SUMF1: variants seen among roughly 807,000 people sequenced by gnomAD.
SUMF1 encodes the protein sulfatase modifying factor 1, also known as formylglycine-generating enzyme.
A neutral mutation model predicts 47.6 loss-of-function variants in SUMF1; 48 were observed. The ratio of observed to expected loss-of-function variants is 1.01; its 90% CI spans 0.80 to 1.28. The LOEUF is 1.28. Among genes scored for constraint, SUMF1 ranks in the 50% most tolerant of loss-of-function variants. The probability of loss-of-function intolerance (pLI) is 0.00; values close to 1 mark genes in which losing one functional copy is unlikely to be tolerated. For synonymous variants in SUMF1, 230 were observed against 192.1 expected (o/e 1.20, Z -1.63); for missense variants, 571 against 485.4 (o/e 1.18, Z -1.66).
intron 8 of SUMF1, among the ~76,000 whole-genome samples, chr3:4,287,549 C>G (rs1008874042): frequency 6.6e-6 from 1 of 152,102 alleles, no homozygotes; most frequent in African/African-American, 2.4e-5. Context: ...CTGGTATTTG[C>G]TTAGTATTAC....
At chr3:4,350,312 A>C (rs560714486) in intron 8 of SUMF1, among the ~76,000 whole-genome samples, 1 of 148,348 alleles carries the variant, frequency 6.7e-6, no homozygotes, top group Admixed American at 6.7e-5. Flanking sequence ...TTGAGCCACC[A>C]CTTTCTGTGT....
chr3:4,341,226 G>A (rs1429067515), intron 8 of SUMF1, among the ~76,000 whole-genome samples: 2 of 150,912 alleles, frequency 1.3e-5, no homozygotes, highest in African/African-American at 2.4e-5. Flanking sequence ...CCATTATGAT[G>A]ACAACATTAA....
At chr3:4,083,857 G>A (rs1383508466) in intron 8 of SUMF1, among the ~76,000 whole-genome samples, 1 of 150,268 alleles carries the variant, frequency 6.7e-6, no homozygotes, top group African/African-American at 2.5e-5. Flanking sequence ...AAAAAAAAGA[G>A]CTTAGAAATG....
intron 8 of SUMF1, among the ~76,000 whole-genome samples, chr3:4,127,322 C>G (rs899766556): frequency 6.6e-6 from 1 of 152,056 alleles, no homozygotes. Context: ...TCAACTTGAT[C>G]GGAATGAAGA....
At chr3:4,182,205 G>A (rs996893258) in intron 8 of SUMF1, among the ~76,000 whole-genome samples, 1 of 151,928 alleles carries the variant, frequency 6.6e-6, no homozygotes, top group Non-Finnish European at 1.5e-5. Flanking sequence ...GCATGGGGTA[G>A]ATGGAATATG....
chr3:4,267,692 T>C (rs1307050531), intron 8 of SUMF1, among the ~76,000 whole-genome samples: 1 of 151,266 alleles, frequency 6.6e-6, no homozygotes, highest in African/African-American at 2.4e-5. Flanking sequence ...TGAGATATCA[T>C]CTCACACCAG....
chr3:4,275,017 C>T (rs1420393948), intron 8 of SUMF1, among the ~76,000 whole-genome samples: 1 of 152,136 alleles, frequency 6.6e-6, no homozygotes, highest in Non-Finnish European at 1.5e-5. Context: ...CATTACCCAT[C>T]AGAAGTGTTC....
At chr3:4,284,835 A>C (rs573944967) in intron 8 of SUMF1, among the ~76,000 whole-genome samples, 134 of 152,326 alleles carry the variant, frequency 8.8e-4, no homozygotes, top group Middle Eastern at 3.4e-3. Context: ...GCTAAGATAA[A>C]GGGATTATTT....
intron 8 of SUMF1, among the ~76,000 whole-genome samples, chr3:4,143,809 G>A (rs1448768407): frequency 6.6e-6 from 1 of 152,056 alleles, no homozygotes; most frequent in Non-Finnish European, 1.5e-5. Flanking sequence ...TCACAGAGCA[G>A]TAACAGTTGC....
chr3:4,344,794 T>G (rs1699341439), intron 8 of SUMF1, among the ~76,000 whole-genome samples: 1 of 152,090 alleles, frequency 6.6e-6, no homozygotes, highest in Non-Finnish European at 1.5e-5. Context: ...GATAAGAGGT[T>G]AGAGGAATTG....
At chr3:4,101,211 A>C (rs1378123234) in intron 8 of SUMF1, among the ~76,000 whole-genome samples, 3 of 152,144 alleles carry the variant, frequency 2.0e-5, no homozygotes, top group Admixed American at 1.3e-4. Flanking sequence ...TTGAAGCATT[A>C]TTCGCAAGAG....
intron 7 of SUMF1, among the ~76,000 whole-genome samples, chr3:4,394,275 T>G (rs1357061516): frequency 6.6e-6 from 1 of 152,058 alleles, no homozygotes; most frequent in Non-Finnish European, 1.5e-5. Context: ...ACTCAAGCAA[T>G]CCTACCACCT....
chr3:4,160,841 T>C (rs537775363), intron 8 of SUMF1, among the ~76,000 whole-genome samples: 1 of 152,256 alleles, frequency 6.6e-6, no homozygotes, highest in Non-Finnish European at 1.5e-5. Context: ...ATTTAGTTTG[T>C]TTGGTGAGGT....
Position 4,130,973 on chromosome 3 carries a change from G to T in SUMF1, c.1015-62228C>A, listed in dbSNP as rs113347274. Among the ~76,000 whole-genome samples, 3 of 152,110 alleles carry T rather than the reference G, an allele frequency of 2.0e-5. 1 individual carries two copies. The highest frequency in any genetic ancestry group is 7.2e-5 in the African/African-American group (3 of 41,396). On this transcript the variant is annotated intron_variant and NMD_transcript_variant, in intron 8 of 12. Coordinates refer to the SUMF1 transcript ENST00000448413. ...GGGATGCTGTTTGGAGCCTTTGGCA[G>T]GCCCCCATAGGTGAATCACTGCAGA...
chr3:4,152,123 A>AGCACTACACTGGGGAAGGGAGCAGTT (rs1428420167), intron 8 of SUMF1, among the ~76,000 whole-genome samples: 1 of 151,592 alleles, frequency 6.6e-6, no homozygotes, highest in Non-Finnish European at 1.5e-5. Context: ...ATCATACAGA[A>AGCACTACACTGGGGAAGGGAGCAGTT]GCACTACACT....
intron 8 of SUMF1, among the ~76,000 whole-genome samples, chr3:4,300,668 T>C (rs141625612): frequency 6.6e-6 from 1 of 152,266 alleles, no homozygotes; most frequent in East Asian, 1.9e-4. Context: ...CTGTAAAGAC[T>C]TGGAGAAAAA....
intron 8 of SUMF1, among the ~76,000 whole-genome samples, chr3:4,137,898 T>G (rs532135608): frequency 3.6e-5 from 5 of 140,654 alleles, no homozygotes; most frequent in African/African-American, 1.3e-4. Flanking sequence ...ATCTTGCATA[T>G]AGTAAACACT....
At chr3:4,311,347 T>C (rs758481033) in intron 8 of SUMF1, among the ~76,000 whole-genome samples, 3 of 152,206 alleles carry the variant, frequency 2.0e-5, no homozygotes, top group Non-Finnish European at 2.9e-5. Context: ...CTGGAAGACG[T>C]GGTGCAAACA....
chr3:4,415,486 C>T (rs1198112983), intron 6 of SUMF1, among the ~76,000 whole-genome samples: 1 of 152,064 alleles, frequency 6.6e-6, no homozygotes, highest in Admixed American at 6.5e-5. Flanking sequence ...ACCTTTGACT[C>T]AATCATTTCA....
Sources: allele counts gnomAD v4.1 joint callset (sites outside exome capture counted in the v4.1 genomes callset), GRCh38; gene constraint gnomAD v4.1.1; transcripts MANE v1.5; gene names NCBI Gene and HGNC (gene_info 2026-07-23, HGNC 2026-07-21).